The following NBEA variants were observed in gnomAD, a reference collection of about 807,000 sequenced individuals.
NBEA encodes lysosomal-trafficking regulator 2.
A neutral mutation model predicts 343.4 loss-of-function variants in NBEA; 44 were observed. The observed-to-expected ratio is 0.13, with a 90% CI of 0.10 to 0.16. NBEA has a LOEUF of 0.16. Ranked by LOEUF, NBEA falls within the 10% of genes least tolerant of loss-of-function variation. The pLI is 1.00. For synonymous variants in NBEA, 1,175 were observed against 1,238.7 expected (o/e 0.95, Z 1.08); for missense variants, 2,555 against 3,631.3 (o/e 0.70, Z 7.62).
intron 38 of NBEA, among the ~76,000 whole-genome samples, chr13:35,372,305 A>T (rs1186862986): frequency 6.6e-6 from 1 of 152,122 alleles, no homozygotes; most frequent in African/African-American, 2.4e-5. Context: ...CAGATGGTAT[A>T]TTGGAATGGG....
chr13:35,595,887 A>AT (rs775229546), intron 47 of NBEA, among the ~76,000 whole-genome samples: 34 of 150,248 alleles, frequency 2.3e-4, no homozygotes, highest in Middle Eastern at 3.4e-3. Flanking sequence ...TTTAGTTTGC[A>AT]TTTTTTTTTG....
intron 38 of NBEA, among the ~76,000 whole-genome samples, chr13:35,419,318 C>T (rs2044135344): frequency 6.6e-6 from 1 of 152,056 alleles, no homozygotes; most frequent in Non-Finnish European, 1.5e-5. Flanking sequence ...ACAGTGCCTT[C>T]TCCCTGTGTC....
chr13:35,308,450 A>ATATATATATATATATATATATATATG (rs1594155481), intron 35 of NBEA, among the ~76,000 whole-genome samples: 3 of 115,400 alleles, frequency 2.6e-5, no homozygotes, highest in East Asian at 4.7e-4. Flanking sequence ...ATATATATAT[A>ATATATATATATATATATATATATATG]TATATATATA....
At chr13:35,046,578 G>GT (rs1214378563) in intron 4 of NBEA, among the ~76,000 whole-genome samples, 3 of 151,986 alleles carry the variant, frequency 2.0e-5, no homozygotes, top group Non-Finnish European at 4.4e-5. Flanking sequence ...ACATACTATG[G>GT]TTTTTTCCTC....
intron 38 of NBEA, among the ~76,000 whole-genome samples, chr13:35,427,925 C>G (rs924982756): frequency 1.3e-5 from 2 of 152,218 alleles, no homozygotes; most frequent in African/African-American, 4.8e-5. Context: ...GCGTAGGACC[C>G]TCTGAGCCAT....
chr13:35,009,165 T>C (rs2061406290), intron 1 of NBEA, among the ~76,000 whole-genome samples: 1 of 152,220 alleles, frequency 6.6e-6, no homozygotes, highest in African/African-American at 2.4e-5. Context: ...TATTGAAACA[T>C]TATTTATTGA....
chr13:34,998,234 G>A (rs1354917119), intron 1 of NBEA, among the ~76,000 whole-genome samples: 13 of 152,268 alleles, frequency 8.5e-5, no homozygotes, highest in African/African-American at 3.1e-4. Context: ...GGGTGTGGGT[G>A]ACAGAGATCA....
intron 35 of NBEA, among the ~76,000 whole-genome samples, chr13:35,300,823 T>C (rs540366374): frequency 2.0e-5 from 3 of 152,308 alleles, no homozygotes; most frequent in Admixed American, 1.3e-4. Context: ...GTTACACTTT[T>C]CCTATAGGAT....
intron 36 of NBEA, among the ~76,000 whole-genome samples, chr13:35,339,214 T>C (rs749705311): frequency 2.6e-5 from 4 of 151,830 alleles, no homozygotes; most frequent in Non-Finnish European, 5.9e-5. Context: ...CAAAACTCTC[T>C]ATTTGTAGAA....
intron 47 of NBEA, among the ~76,000 whole-genome samples, chr13:35,605,921 A>C (rs7319907): frequency 0.24 from 33,433 of 138,182 alleles, 3,861 homozygotes; most frequent in South Asian, 0.26. Context: ...TTTATCAAGT[A>C]AAAAAAACTA....
chr13:35,139,611 A>G (rs2067954186), intron 17 of NBEA, among the ~76,000 whole-genome samples: 1 of 152,224 alleles, frequency 6.6e-6, no homozygotes, highest in South Asian at 2.1e-4. Flanking sequence ...TAGTTTTTCC[A>G]GTAAATGTCC....
At chr13:35,445,058 G>T (rs1426433444) in intron 39 of NBEA, among the ~76,000 whole-genome samples, 1 of 152,118 alleles carries the variant, frequency 6.6e-6, no homozygotes, top group Non-Finnish European at 1.5e-5. Context: ...TAACAGCATG[G>T]TGGAAGGAAG....
At chr13:35,045,505 A>G (rs2062816840) in intron 4 of NBEA, 104 bp downstream of exon 4, 5 of 888,276 alleles carry the variant, frequency 5.6e-6, no homozygotes, top group Non-Finnish European at 8.4e-6. Context: ...AGAAAGCACA[A>G]CTTGATGAGT....
At chr13:35,285,190 G>A (rs1462226545) in intron 34 of NBEA, among the ~76,000 whole-genome samples, 1 of 152,142 alleles carries the variant, frequency 6.6e-6, no homozygotes, top group African/African-American at 2.4e-5. Context: ...AGCACTTTGG[G>A]AGGTCCAGGT....
chr13:35,347,993 AT>A (rs2039983824), intron 36 of NBEA, among the ~76,000 whole-genome samples: 1 of 152,116 alleles, frequency 6.6e-6, no homozygotes, highest in Non-Finnish European at 1.5e-5. Flanking sequence ...CTGGCATCTT[AT>A]GTCCTAGCCT....
chr13:35,618,485 G>A (rs1201908719), intron 48 of NBEA, among the ~76,000 whole-genome samples: 1 of 151,980 alleles, frequency 6.6e-6, no homozygotes, highest in Non-Finnish European at 1.5e-5. Flanking sequence ...GTATGTAATT[G>A]GTTAGAATTG....
chr13:35,369,731 A>G (rs1455435173), intron 38 of NBEA, among the ~76,000 whole-genome samples: 1 of 151,936 alleles, frequency 6.6e-6, no homozygotes, highest in Non-Finnish European at 1.5e-5. Context: ...AATTTATCAG[A>G]TCGAAGAGGT....
chr13:35,201,306 C>T (rs2073004109), intron 31 of NBEA, among the ~76,000 whole-genome samples: 1 of 151,970 alleles, frequency 6.6e-6, no homozygotes, highest in Admixed American at 6.6e-5. Context: ...AAGTATCTCT[C>T]ATTAATAGGT....
intron 1 of NBEA, among the ~76,000 whole-genome samples, chr13:34,997,844 C>T (rs553967614): frequency 2.0e-4 from 31 of 152,252 alleles, no homozygotes; most frequent in African/African-American, 5.3e-4. Context: ...AGGATTTTCT[C>T]GTAGCCCAGA....
Sources: allele counts gnomAD v4.1 joint callset (sites outside exome capture counted in the v4.1 genomes callset), GRCh38; gene constraint gnomAD v4.1.1; transcripts MANE v1.5; gene names NCBI Gene and HGNC (gene_info 2026-07-23, HGNC 2026-07-21).